The following JAK2 variants were observed in gnomAD, a reference collection of about 807,000 sequenced individuals.
The protein encoded by JAK2 is tyrosine-protein kinase JAK2.
In JAK2, 86 loss-of-function variants were observed where a neutral mutation model predicts 139.3. The observed-to-expected ratio is 0.62, with a 90% CI of 0.52 to 0.74. The LOEUF (loss-of-function observed/expected upper bound fraction) is 0.74. Ranked by LOEUF, JAK2 falls within the 30% of genes least tolerant of loss-of-function variation. The probability of loss-of-function intolerance (pLI) is 0.00; values close to 1 mark genes in which losing one functional copy is unlikely to be tolerated. For synonymous variants in JAK2, 490 were observed against 437.7 expected, an observed-to-expected ratio of 1.12 and a Z score of -1.49; for missense variants, 1,421 against 1,360.3, an observed-to-expected ratio of 1.04 and a Z score of -0.70.
intron 22 of JAK2, chr9:5,114,052 C>T (rs1406002686): frequency 1.5e-5 from 5 of 327,560 alleles, no homozygotes; most frequent in African/African-American, 4.3e-5. Flanking sequence ...GATGAGCTGG[C>T]CTCCACACAA....
intron 22 of JAK2, chr9:5,112,891 G>C (rs906456947): frequency 2.7e-6 from 1 of 366,630 alleles, no homozygotes; most frequent in Non-Finnish European, 4.6e-6. Flanking sequence ...CCTCAGCCCC[G>C]TGGGCTGGGC....
At chr9:5,069,491 T>C (rs973465423) in intron 11 of JAK2, among the ~76,000 whole-genome samples, 4 of 152,188 alleles carry the variant, frequency 2.6e-5, no homozygotes, top group African/African-American at 9.6e-5. Flanking sequence ...TAAATTCTTA[T>C]GTTGTTTTAA....
At chr9:5,068,076 C>G (rs896252980) in intron 10 of JAK2, among the ~76,000 whole-genome samples, 8 of 151,678 alleles carry the variant, frequency 5.3e-5, no homozygotes, top group African/African-American at 1.9e-4. Context: ...AGGAGAAGCG[C>G]TTGAACCCGG....
At chr9:5,099,000 C>G (rs1821252772) in intron 22 of JAK2, 1 of 152,070 alleles carries the variant, frequency 6.6e-6, no homozygotes, top group Admixed American at 6.6e-5. Context: ...CCGGCTTAAG[C>G]TTCAATTCTT....
chr9:5,104,166 G>T (rs1296960330), intron 22 of JAK2, among the ~76,000 whole-genome samples: 1 of 152,044 alleles, frequency 6.6e-6, no homozygotes, highest in African/African-American at 2.4e-5. Context: ...TACACTGCTA[G>T]CAAGACTAAT....
chr9:5,073,112 C>T (rs1409696602), intron 13 of JAK2, among the ~76,000 whole-genome samples: 1 of 152,150 alleles, frequency 6.6e-6, no homozygotes, highest in African/African-American at 2.4e-5. Flanking sequence ...CTTACAATAT[C>T]TTAAAGGGTG....
intron 13 of JAK2, among the ~76,000 whole-genome samples, chr9:5,072,945 C>T (rs560218232): frequency 1.3e-5 from 2 of 150,036 alleles, no homozygotes; most frequent in South Asian, 4.2e-4. Context: ...TCTACAATTA[C>T]ATTTATTTGA....
At chr9:5,037,831 A>G (rs1160635103) in intron 4 of JAK2, among the ~76,000 whole-genome samples, 1 of 152,230 alleles carries the variant, frequency 6.6e-6, no homozygotes, top group Non-Finnish European at 1.5e-5. Flanking sequence ...TGTTGTGCAC[A>G]TGTACCCTAA....
At chr9:5,039,076 C>G (rs1327669451) in intron 4 of JAK2, among the ~76,000 whole-genome samples, 4 of 152,100 alleles carry the variant, frequency 2.6e-5, no homozygotes, top group Non-Finnish European at 5.9e-5. Context: ...GACTGAATGC[C>G]TTTTCCCTAT....
At chr9:5,020,630 T>A (rs1822356630) in intron 2 of JAK2, among the ~76,000 whole-genome samples, 1 of 152,100 alleles carries the variant, frequency 6.6e-6, no homozygotes, top group South Asian at 2.1e-4. Flanking sequence ...TCAGGGTGCA[T>A]GCAAATTTGC....
At chr9:5,086,611 G>C (rs573231282) in intron 19 of JAK2, among the ~76,000 whole-genome samples, 1 of 151,798 alleles carries the variant, frequency 6.6e-6, no homozygotes, top group East Asian at 1.9e-4. Context: ...AAATTCCTTG[G>C]CTTCTCTACC....
At position 5,080,692 on chromosome 9, in the gene JAK2, T is replaced by C; in HGVS notation, c.2434+9T>C. ...CAGTTTGTTTACTCCAGGTATGTAT[T>C]TGAATGATCTTATTGATTTTCCAGC... is the stretch of plus-strand genomic sequence containing the variant. On this transcript the variant is annotated intron_variant, in intron 18 of 24. Coordinates refer to ENST00000381652, the MANE Select transcript of JAK2 (RefSeq NM_004972.4). 1 of 1,537,574 alleles carries C rather than the reference T, an allele frequency of 6.5e-7. No individual in the cohort carries two copies. Among genetic ancestry groups the C allele is most frequent in the East Asian group, 2.3e-5 (1 of 43,300 alleles).
intron 22 of JAK2, among the ~76,000 whole-genome samples, chr9:5,120,153 C>T (rs1395199193): frequency 1.3e-5 from 2 of 152,218 alleles, no homozygotes; most frequent in African/African-American, 4.8e-5. Context: ...AGCCTTGCTG[C>T]TTCCTCCTTC....
At chr9:5,015,172 A>G (rs545070079) in intron 2 of JAK2, among the ~76,000 whole-genome samples, 11 of 152,162 alleles carry the variant, frequency 7.2e-5, no homozygotes, top group African/African-American at 2.6e-4. Context: ...GTATTTACCT[A>G]TTTTCCTGAT....
Position 5,040,594 on chromosome 9 carries a change from A to G in JAK2, c.351-3809A>G, listed in dbSNP as rs191645822. Among the ~76,000 whole-genome samples the G allele has an allele frequency of 5.2e-5, 8 of 152,394 alleles. No individual in the cohort carries two copies. The East Asian group carries it at 1.2e-3, about 22-fold the overall frequency. ...GATAATTGTCTTATCTCCAGAATAT[A>G]AAAGAATTCTTACAGCTCAACAAGA... On this transcript the variant is annotated intron_variant, in intron 4 of 24. Transcript: ENST00000381652.
intron 2 of JAK2, among the ~76,000 whole-genome samples, chr9:5,016,439 A>G (rs922529576): frequency 6.6e-6 from 1 of 152,188 alleles, no homozygotes; most frequent in African/African-American, 2.4e-5. Context: ...GAATGGTGCA[A>G]TGAGCCTGCA....
At chr9:5,061,835 C>T (rs1295554054) in intron 8 of JAK2, among the ~76,000 whole-genome samples, 1 of 151,774 alleles carries the variant, frequency 6.6e-6, no homozygotes, top group Non-Finnish European at 1.5e-5. Context: ...TTAATCATTT[C>T]TAGCTTTTGA....
In JAK2 at chr9:5,126,801, C is replaced by A; in HGVS notation, c.*10C>A. 1.3e-6 allele frequency: 2 copies of A among 1,554,670 alleles called. No individual in the cohort carries two copies. Among genetic ancestry groups the A allele is most frequent in the Non-Finnish European group, 1.8e-6 (2 of 1,129,894 alleles). On this transcript the variant is annotated 3_prime_UTR_variant, in exon 25 of 25. Transcript: ENST00000381652. ...TAACATGGCTGGATGAAAGAAATGA[C>A]CTTCATTCTGAGACCAAAGTAGATT...
intron 8 of JAK2, among the ~76,000 whole-genome samples, chr9:5,064,361 C>T (rs1478123418): frequency 1.3e-5 from 2 of 152,200 alleles, no homozygotes; most frequent in South Asian, 4.1e-4. Flanking sequence ...GAGAACCTGT[C>T]TTTACTAAAA....
Sources: allele counts gnomAD v4.1 joint callset (sites outside exome capture counted in the v4.1 genomes callset), GRCh38; gene constraint gnomAD v4.1.1; transcripts MANE v1.5; gene names NCBI Gene and HGNC (gene_info 2026-07-23, HGNC 2026-07-21).